Variants in TTLL7 observed in about 807,000 individuals in gnomAD.
TTLL7 encodes the protein tubulin tyrosine ligase like 7.
In TTLL7, 53 loss-of-function variants were observed where a neutral mutation model predicts 120.2. The observed-to-expected ratio is 0.44, with a 90% CI of 0.35 to 0.55. The LOEUF (loss-of-function observed/expected upper bound fraction) is 0.55, where lower values mean the gene tolerates loss of function less well. TTLL7 is among the 20% of genes least tolerant of loss of function. TTLL7 has a pLI of 0.00. For missense variants in TTLL7, 803 were observed against 1,054.7 expected (o/e 0.76, Z 3.31); for synonymous variants, 353 against 351.7 (o/e 1.00, Z -0.04).
At chr1:83,995,488 T>C (rs1653395733) in intron 1 of TTLL7, among the ~76,000 whole-genome samples, 1 of 151,924 alleles carries the variant, frequency 6.6e-6, no homozygotes. Flanking sequence ...TTCTGCTATG[T>C]GACGTGCCTG....
At chr1:83,902,597 T>C (rs1656816746) in intron 18 of TTLL7, among the ~76,000 whole-genome samples, 1 of 152,030 alleles carries the variant, frequency 6.6e-6, no homozygotes, top group South Asian at 2.1e-4. Context: ...TTTCACATTT[T>C]ACTGGCTGCT....
At chr1:83,984,572 C>A (rs1478021143) in intron 1 of TTLL7, among the ~76,000 whole-genome samples, 1 of 152,202 alleles carries the variant, frequency 6.6e-6, no homozygotes, top group Non-Finnish European at 1.5e-5. Context: ...GGTACATATA[C>A]ACATGGAATG....
chr1:83,962,953 C>A (rs913556908), intron 1 of TTLL7, among the ~76,000 whole-genome samples: 5 of 152,134 alleles, frequency 3.3e-5, no homozygotes, highest in Non-Finnish European at 2.9e-5. Flanking sequence ...ATGGACAACG[C>A]TTCTCTAATA....
rs575232265 is a variant in TTLL7 at position 83,900,317 on chromosome 1, T to C, written c.2208+3762A>G. ...AAGCCTCCTGCAGTTAACTACAAAA[T>C]GAGACCCATCCTCTTGGCTTTTTAG... On this transcript the variant is annotated intron_variant, in intron 18 of 20. Coordinates refer to ENST00000260505, the MANE Select transcript of TTLL7 (RefSeq NM_024686.6). 7 of 243,616 alleles carry C rather than the reference T, an allele frequency of 2.9e-5. No individual in the cohort carries two copies. The South Asian group carries it at 3.1e-4, about 11-fold the overall frequency. The allele number at this position is 243,616 out of a possible 1,614,324, so 15.1% of individuals were successfully genotyped here. A position where few individuals can be genotyped will look rare whatever the true frequency, so the allele number is the denominator to read the frequency against.
chr1:83,905,126 T>C (rs1024735818), intron 17 of TTLL7, among the ~76,000 whole-genome samples: 1 of 151,962 alleles, frequency 6.6e-6, no homozygotes, highest in Admixed American at 6.6e-5. Flanking sequence ...ATTGGCTATA[T>C]ATAGAAAATT....
chr1:83,880,335 T>C (rs1372105333), intron 20 of TTLL7: 1 of 152,024 alleles, frequency 6.6e-6, no homozygotes. Flanking sequence ...TGTCTTGCAA[T>C]GCAATGACAT....
chr1:83,973,384 T>C (rs1036139625), intron 1 of TTLL7, among the ~76,000 whole-genome samples: 4 of 152,110 alleles, frequency 2.6e-5, no homozygotes, highest in Non-Finnish European at 5.9e-5. Flanking sequence ...ATTATATTTA[T>C]GTGGTTCTAT....
chr1:83,910,569 A>C (rs1015688688), intron 15 of TTLL7, among the ~76,000 whole-genome samples: 2 of 139,712 alleles, frequency 1.4e-5, no homozygotes, highest in African/African-American at 5.6e-5. Context: ...TACAGACAGA[A>C]GGAGAGAAAA....
At chr1:83,967,775 T>TAA (rs1317620036) in intron 1 of TTLL7, among the ~76,000 whole-genome samples, 1 of 151,956 alleles carries the variant, frequency 6.6e-6, no homozygotes, top group African/African-American at 2.4e-5. Flanking sequence ...ATATAACTTT[T>TAA]AACATTCCAG....
At chr1:83,989,248 T>C (rs1652761305) in intron 1 of TTLL7, among the ~76,000 whole-genome samples, 1 of 152,192 alleles carries the variant, frequency 6.6e-6, no homozygotes, top group Admixed American at 6.5e-5. Flanking sequence ...AAATCCTTCA[T>C]CAAGGCAATG....
intron 18 of TTLL7, among the ~76,000 whole-genome samples, chr1:83,893,327 T>C (rs1028027140): frequency 3.9e-5 from 6 of 152,030 alleles, no homozygotes; most frequent in Admixed American, 3.9e-4. Context: ...AATTCACATG[T>C]ACTTGATACT....
At chr1:83,902,470 A>C (rs1656805999) in intron 18 of TTLL7, among the ~76,000 whole-genome samples, 1 of 152,044 alleles carries the variant, frequency 6.6e-6, no homozygotes, top group South Asian at 2.1e-4. Flanking sequence ...CAAAAATTAC[A>C]GTCAGTTCTT....
intron 5 of TTLL7, chr1:83,947,619 G>A (rs1303785230): frequency 5.2e-6 from 1 of 193,174 alleles, no homozygotes. Context: ...CTGCTCCCAA[G>A]GAATATATAC....
chr1:83,957,795 GACATAGTGAGAAGGCAGTCCT>G (rs1275184167), intron 1 of TTLL7, among the ~76,000 whole-genome samples: 1 of 152,178 alleles, frequency 6.6e-6, no homozygotes, highest in Admixed American at 6.5e-5. Context: ...GGAGCCCAAG[GACATAGTGAGAAGGCAGTCCT>G]CTGAAAGCCA....
chr1:83,949,572 C>T (rs980182877), intron 4 of TTLL7: 5 of 292,766 alleles, frequency 1.7e-5, no homozygotes, highest in Middle Eastern at 1.1e-3. Flanking sequence ...GTGATCCACC[C>T]GCCTTGGCCT....
intron 1 of TTLL7, among the ~76,000 whole-genome samples, chr1:83,971,969 A>T (rs2389617): frequency 0.47 from 71,802 of 151,248 alleles, 18,243 homozygotes; most frequent in Non-Finnish European, 0.57. Context: ...AAGAGCAGTT[A>T]TAAATTCACA....
intron 19 of TTLL7, chr1:83,887,251 C>T (rs1362402094): frequency 5.7e-6 from 7 of 1,235,380 alleles, no homozygotes; most frequent in Admixed American, 2.8e-5. Context: ...TAATCAAACA[C>T]TTGGATTATA....
At chr1:83,940,569 T>C (rs577311681) in intron 7 of TTLL7, among the ~76,000 whole-genome samples, 75 of 152,164 alleles carry the variant, frequency 4.9e-4, no homozygotes, top group Non-Finnish European at 8.8e-4. Context: ...AACCTGAGTT[T>C]TATTCTTGAT....
chr1:83,947,809 C>T (rs1426936836), intron 5 of TTLL7, among the ~76,000 whole-genome samples: 1 of 151,916 alleles, frequency 6.6e-6, no homozygotes, highest in Non-Finnish European at 1.5e-5. Context: ...TTTTTGATTA[C>T]CTTTTATACT....
Sources: gnomAD v4.1 joint callset for allele counts (sites outside exome capture counted in the v4.1 genomes callset) on GRCh38, gnomAD v4.1.1 for gene constraint, MANE v1.5 for transcripts, NCBI Gene and HGNC (gene_info 2026-07-23, HGNC 2026-07-21) for gene names.